The following SDC3 variants were observed in gnomAD, a reference collection of about 807,000 sequenced individuals.
SDC3 encodes syndecan-3.
In SDC3, 13 loss-of-function variants were observed where a neutral mutation model predicts 24.4. The ratio of observed to expected loss-of-function variants is 0.53; its 90% CI spans 0.35 to 0.85. The LOEUF is 0.85. SDC3 is among the 40% of genes least tolerant of loss of function. The pLI is 0.01. For synonymous variants in SDC3, 295 were observed against 260.9 expected (o/e 1.13, Z -1.26); for missense variants, 571 against 584.5 (o/e 0.98, Z 0.24).
intron 1 of SDC3, among the ~76,000 whole-genome samples, chr1:30,888,529 C>G (rs1229637485): frequency 6.6e-6 from 1 of 152,174 alleles, no homozygotes; most frequent in Non-Finnish European, 1.5e-5. Context: ...CTCCCCAAAG[C>G]CCTCCCCACA....
chr1:30,893,122 A>C (rs1331492005), intron 1 of SDC3, among the ~76,000 whole-genome samples: 7 of 152,168 alleles, frequency 4.6e-5, no homozygotes, highest in Non-Finnish European at 1.0e-4. Flanking sequence ...GTAAACATGG[A>C]AAGGCAAAAG....
intron 4 of SDC3, among the ~76,000 whole-genome samples, chr1:30,873,683 T>A (rs1639582015): frequency 6.6e-6 from 1 of 152,118 alleles, no homozygotes; most frequent in Non-Finnish European, 1.5e-5. Context: ...ATTTTATAAC[T>A]GCTAGGAAAG....
chr1:30,897,695 C>T (rs1354800084), intron 1 of SDC3, among the ~76,000 whole-genome samples: 1 of 152,202 alleles, frequency 6.6e-6, no homozygotes, highest in Non-Finnish European at 1.5e-5. Flanking sequence ...CTAGATGGGA[C>T]TCCAGGGGCA....
chr1:30,908,052 C>G (rs1638563379), intron 1 of SDC3, among the ~76,000 whole-genome samples: 1 of 152,156 alleles, frequency 6.6e-6, no homozygotes, highest in African/African-American at 2.4e-5. Flanking sequence ...CCCAGGCCAG[C>G]GCAGGGGTCC....
intron 1 of SDC3, among the ~76,000 whole-genome samples, chr1:30,893,563 C>G (rs1031373249): frequency 6.6e-6 from 1 of 152,092 alleles, no homozygotes; most frequent in Non-Finnish European, 1.5e-5. Flanking sequence ...CCACCCTAGT[C>G]TCAGGCAACC....
At chr1:30,892,437 C>T (rs1353885493) in intron 1 of SDC3, among the ~76,000 whole-genome samples, 5 of 146,624 alleles carry the variant, frequency 3.4e-5, no homozygotes, top group Non-Finnish European at 7.4e-5. Flanking sequence ...CCCCCAGGCC[C>T]CCAGGGAATG....
At chr1:30,874,904 C>A (rs1473944818) in intron 3 of SDC3, among the ~76,000 whole-genome samples, 1 of 152,236 alleles carries the variant, frequency 6.6e-6, no homozygotes, top group Non-Finnish European at 1.5e-5. Context: ...GACATCCTGT[C>A]CCCCTCATGT....
chr1:30,899,211 G>A (rs1048026906), intron 1 of SDC3, among the ~76,000 whole-genome samples: 1 of 151,660 alleles, frequency 6.6e-6, no homozygotes, highest in Admixed American at 6.5e-5. Flanking sequence ...CTCAGCCTCT[G>A]GAGTAGCTGG....
In SDC3 at chr1:30,870,257, C is replaced by G. The variant is rs186436905; in HGVS notation, c.*2954G>C. 1 of 209,736 alleles carries G rather than the reference C, an allele frequency of 4.8e-6. No individual in the cohort carries two copies. The highest frequency in any genetic ancestry group is 9.4e-6 in the Non-Finnish European group (1 of 106,484). 13.0% of individuals were successfully genotyped at this position (209,736 alleles called of 1,614,324 possible). A position where few individuals can be genotyped will look rare whatever the true frequency, so the allele number is the denominator to read the frequency against. On this transcript the variant is annotated 3_prime_UTR_variant, in exon 5 of 5. Transcript: ENST00000339394. Reference sequence around the variant, plus strand: ...ACATGCCTCCAGCGATCAAGGGGACCAGTCTTTCAGGCAAGGCCCCCATCT... The same window carrying G: ...ACATGCCTCCAGCGATCAAGGGGACGAGTCTTTCAGGCAAGGCCCCCATCT...
intron 1 of SDC3, among the ~76,000 whole-genome samples, chr1:30,898,211 TC>T (rs1638323974): frequency 6.6e-6 from 1 of 152,076 alleles, no homozygotes; most frequent in Non-Finnish European, 1.5e-5. Flanking sequence ...CGTGTTCCCC[TC>T]TCCACATGTG....
chr1:30,889,072 G>A (rs1282351476), intron 1 of SDC3, among the ~76,000 whole-genome samples: 1 of 152,242 alleles, frequency 6.6e-6, no homozygotes, highest in Non-Finnish European at 1.5e-5. Flanking sequence ...AGACACAGCA[G>A]GGACTCTGAT....
intron 3 of SDC3, among the ~76,000 whole-genome samples, chr1:30,875,071 C>T (rs543120166): frequency 6.6e-6 from 1 of 152,220 alleles, no homozygotes; most frequent in African/African-American, 2.4e-5. Flanking sequence ...AAGAGCACAA[C>T]CTGCAGACTA....
upstream of SDC3, among the ~76,000 whole-genome samples, chr1:30,909,451 A>AC (rs1392526688): frequency 6.6e-6 from 1 of 151,270 alleles, no homozygotes; most frequent in African/African-American, 2.4e-5. Context: ...TGAGACTCAG[A>AC]CCCCCCATGG....
intron 1 of SDC3, among the ~76,000 whole-genome samples, chr1:30,900,803 C>CAGGGATGGGGGAGGGCAGG (rs1638400987): frequency 1.3e-5 from 2 of 151,838 alleles, no homozygotes; most frequent in African/African-American, 4.8e-5. Context: ...GGCTGGCAGG[C>CAGGGATGGGGGAGGGCAGG]AGGGATGGGG....
intron 4 of SDC3, 49 bp from the exon 5 acceptor site, chr1:30,873,426 A>C: frequency 6.8e-7 from 1 of 1,464,512 alleles, no homozygotes; most frequent in Non-Finnish European, 9.5e-7. Flanking sequence ...GGGTAGAACC[A>C]GGGCAAAGGG....
At chr1:30,890,421 T>C (rs888478070) in intron 1 of SDC3, among the ~76,000 whole-genome samples, 2 of 152,234 alleles carry the variant, frequency 1.3e-5, no homozygotes, top group African/African-American at 4.8e-5. Context: ...ATTCCATTTA[T>C]ATGAAATGTC....
At chr1:30,903,434 A>G (rs1201803728) in intron 1 of SDC3, among the ~76,000 whole-genome samples, 3 of 152,140 alleles carry the variant, frequency 2.0e-5, no homozygotes, top group African/African-American at 7.2e-5. Context: ...CACACACACA[A>G]ATGTACACAT....
intron 1 of SDC3, among the ~76,000 whole-genome samples, chr1:30,895,514 A>G (rs1190510322): frequency 1.3e-5 from 2 of 152,270 alleles, no homozygotes; most frequent in South Asian, 4.1e-4. Flanking sequence ...AGTGACCCTC[A>G]ACAGCCACAC....
intron 1 of SDC3, among the ~76,000 whole-genome samples, chr1:30,891,850 CAAA>C (rs11433428): frequency 1.5e-4 from 18 of 118,742 alleles, no homozygotes; most frequent in Non-Finnish European, 1.0e-4. Flanking sequence ...GAGACGCCGT[CAAA>C]AAAAAAAAAA....
Sources: gnomAD v4.1 joint callset for allele counts (sites outside exome capture counted in the v4.1 genomes callset) on GRCh38, gnomAD v4.1.1 for gene constraint, MANE v1.5 for transcripts, NCBI Gene and HGNC (gene_info 2026-07-23, HGNC 2026-07-21) for gene names.